The following PHF21A variants were observed in gnomAD, a reference collection of about 807,000 sequenced individuals.
PHF21A encodes BHC80a.
PHF21A carries 11 observed loss-of-function variants against 82.5 expected under a neutral mutation model. That is an observed-to-expected ratio of 0.13 (90% CI 0.08 to 0.22). The LOEUF (loss-of-function observed/expected upper bound fraction) is 0.22. Among genes scored for constraint, PHF21A ranks in the 10% least tolerant of loss-of-function variants. PHF21A has a pLI of 1.00. For synonymous variants in PHF21A, 297 were observed against 302.8 expected (o/e 0.98, Z 0.20); for missense variants, 579 against 837.8 (o/e 0.69, Z 3.81).
In PHF21A at chr11:45,986,853, C is replaced by T. The variant is rs554661493; in HGVS notation, c.154-6887G>A. Among the ~76,000 whole-genome samples, 22 of 151,956 alleles carry T rather than the reference C, an allele frequency of 1.4e-4. No individual in the cohort carries two copies. The South Asian group carries it at 4.6e-3, about 32-fold the overall frequency. ...TATATTTCAATCACTTGATTTTTAACATCTAATCATTTTAATGCTAGTTCA... is the reference window on the plus strand; with the variant it reads ...TATATTTCAATCACTTGATTTTTAATATCTAATCATTTTAATGCTAGTTCA... On this transcript the variant is annotated intron_variant, in intron 6 of 18. Transcript: ENST00000676320.
At chr11:46,012,611 G>A (rs1353593406) in intron 6 of PHF21A, among the ~76,000 whole-genome samples, 1 of 152,178 alleles carries the variant, frequency 6.6e-6, no homozygotes. Flanking sequence ...AAGATTAAAT[G>A]AGGTAACATA....
At chr11:46,053,540 T>C (rs890652380) in intron 6 of PHF21A, among the ~76,000 whole-genome samples, 5 of 151,994 alleles carry the variant, frequency 3.3e-5, no homozygotes, top group African/African-American at 1.2e-4. Flanking sequence ...ATTATATATA[T>C]AATTATATGT....
chr11:46,091,788 A>G (rs1441182831), intron 2 of PHF21A, among the ~76,000 whole-genome samples: 2 of 152,232 alleles, frequency 1.3e-5, no homozygotes, highest in African/African-American at 4.8e-5. Flanking sequence ...AATTGGCTCA[A>G]GCCATCCTCC....
intron 6 of PHF21A, among the ~76,000 whole-genome samples, chr11:45,982,001 G>A (rs1462533338): frequency 1.5e-5 from 2 of 137,548 alleles, no homozygotes; most frequent in African/African-American, 5.5e-5. Flanking sequence ...CTGTCACCCA[G>A]GCTGGAGTGC....
intron 6 of PHF21A, among the ~76,000 whole-genome samples, chr11:46,045,806 T>C (rs2096248017): frequency 6.6e-6 from 1 of 152,110 alleles, no homozygotes; most frequent in Non-Finnish European, 1.5e-5. Context: ...AAGACCCCTT[T>C]ATGAGACCAC....
intron 6 of PHF21A, among the ~76,000 whole-genome samples, chr11:46,015,936 A>ATCTG (rs1249528763): frequency 2.0e-5 from 3 of 151,036 alleles, no homozygotes; most frequent in Non-Finnish European, 4.4e-5. Context: ...CTATCTATCT[A>ATCTG]TGCAGAAGGA....
intron 6 of PHF21A, among the ~76,000 whole-genome samples, chr11:45,980,553 A>G (rs948783899): frequency 2.0e-5 from 3 of 152,170 alleles, no homozygotes; most frequent in African/African-American, 7.2e-5. Flanking sequence ...GTTGGAGTAC[A>G]GTAGCTATTC....
intron 9 of PHF21A, among the ~76,000 whole-genome samples, chr11:45,968,817 A>G (rs1348219442): frequency 6.6e-6 from 1 of 151,590 alleles, no homozygotes; most frequent in Non-Finnish European, 1.5e-5. Context: ...GTAATCCCCA[A>G]CTACTTGGAA....
At chr11:45,990,175 C>T (rs1040295001) in intron 6 of PHF21A, among the ~76,000 whole-genome samples, 1 of 151,426 alleles carries the variant, frequency 6.6e-6, no homozygotes, top group Non-Finnish European at 1.5e-5. Flanking sequence ...CTAACACAAA[C>T]ATACACACAC....
At chr11:46,030,830 C>CATGT (rs779741877) in intron 6 of PHF21A, among the ~76,000 whole-genome samples, 1 of 142,212 alleles carries the variant, frequency 7.0e-6, no homozygotes, top group Non-Finnish European at 1.5e-5. Flanking sequence ...CGTGTGTGTG[C>CATGT]GTGTGTGTGT....
chr11:45,958,420 ATATATATATATATATATAT>A (rs1297962961), intron 10 of PHF21A, among the ~76,000 whole-genome samples: 3 of 15,004 alleles, frequency 2.0e-4, no homozygotes, highest in African/African-American at 4.6e-4. Context: ...AAAAAAAAAA[ATATATATATATATATATAT>A]ATATATATAT....
At chr11:45,968,733 AT>A (rs1296260207) in intron 9 of PHF21A, among the ~76,000 whole-genome samples, 3 of 151,962 alleles carry the variant, frequency 2.0e-5, no homozygotes, top group Admixed American at 6.6e-5. Context: ...AGTTTGAGAC[AT>A]TCCTGACCAA....
intron 6 of PHF21A, among the ~76,000 whole-genome samples, chr11:46,074,134 A>AT (rs2096692292): frequency 6.7e-6 from 1 of 150,144 alleles, no homozygotes; most frequent in Non-Finnish European, 1.5e-5. Context: ...AAAAAAAAAA[A>AT]GTTGTCAGAT....
At chr11:46,001,869 G>A (rs1403039683) in intron 6 of PHF21A, among the ~76,000 whole-genome samples, 3 of 152,026 alleles carry the variant, frequency 2.0e-5, no homozygotes, top group Non-Finnish European at 4.4e-5. Flanking sequence ...AACCCAGATG[G>A]GCCATAATAC....
intron 3 of PHF21A, among the ~76,000 whole-genome samples, 167 bp from the exon 4 acceptor site, chr11:46,084,469 A>G (rs2096831599): frequency 6.6e-6 from 1 of 152,148 alleles, no homozygotes; most frequent in African/African-American, 2.4e-5. Context: ...ATTCCTCTAA[A>G]GAACACTTCA....
At chr11:45,954,613 T>C in intron 10 of PHF21A, among the ~76,000 whole-genome samples, 1 of 152,138 alleles carries the variant, frequency 6.6e-6, no homozygotes, top group Admixed American at 6.6e-5. Context: ...AAAAGGTAGC[T>C]AGCATACTGG....
At chr11:46,080,502 T>C (rs2096777848) in intron 4 of PHF21A, among the ~76,000 whole-genome samples, 1 of 152,102 alleles carries the variant, frequency 6.6e-6, no homozygotes, top group South Asian at 2.1e-4. Context: ...CTTTTATTGA[T>C]ACTTAGAGGA....
At chr11:45,934,610 TTC>T in intron 18 of PHF21A, 1 of 230,142 alleles carries the variant, frequency 4.3e-6, no homozygotes, top group Non-Finnish European at 8.6e-6. Context: ...TTTGATATGC[TTC>T]TGTCATGCTA....
chr11:46,023,300 G>T (rs562877994), intron 6 of PHF21A, among the ~76,000 whole-genome samples: 1 of 152,284 alleles, frequency 6.6e-6, no homozygotes, highest in South Asian at 2.1e-4. Flanking sequence ...TAATTACTGA[G>T]GCCCCTTCTA....
Sources: allele counts gnomAD v4.1 joint callset (sites outside exome capture counted in the v4.1 genomes callset), GRCh38; gene constraint gnomAD v4.1.1; transcripts MANE v1.5; gene names NCBI Gene and HGNC (gene_info 2026-07-23, HGNC 2026-07-21).